The following FGD6 variants were observed in gnomAD, a reference collection of about 807,000 sequenced individuals.
FGD6 encodes the protein FYVE, RhoGEF and PH domain-containing protein 6.
A neutral mutation model predicts 149.4 loss-of-function variants in FGD6; 90 were observed. The ratio of observed to expected loss-of-function variants is 0.60; its 90% CI spans 0.51 to 0.72. The LOEUF is 0.72. FGD6 is among the 30% of genes least tolerant of loss of function. The pLI is 0.00. For synonymous variants in FGD6, 527 were observed against 584.0 expected, an observed-to-expected ratio of 0.90 and a Z score of 1.41; for missense variants, 1,437 against 1,684.8, an observed-to-expected ratio of 0.85 and a Z score of 2.57.
chr12:95,204,308 C>CTCCT (rs2056681485), intron 2 of FGD6, among the ~76,000 whole-genome samples: 1 of 152,180 alleles, frequency 6.6e-6, no homozygotes, highest in South Asian at 2.1e-4. Context: ...CTCAGTGCCA[C>CTCCT]TCCTTACACC....
intron 8 of FGD6, 26 bp downstream of exon 8, chr12:95,134,713 G>A (rs766748193): frequency 1.2e-6 from 2 of 1,608,184 alleles, no homozygotes; most frequent in East Asian, 4.5e-5. Flanking sequence ...CAACTGGGTG[G>A]TTGGCAAAAT....
In FGD6 at chr12:95,209,853, G is replaced by A. The variant is rs757014693; in HGVS notation, c.1431C>T (p.Ala477=). The A allele has an allele frequency of 6.2e-7, 1 of 1,609,388 alleles. No individual in the cohort carries two copies. The highest frequency in any genetic ancestry group is 8.5e-7 in the Non-Finnish European group (1 of 1,178,968). The change falls in exon 2 of 21, where the codon GCC becomes GCT. Residue 477 remains alanine (A), a synonymous_variant. Coordinates refer to ENST00000343958, the MANE Select transcript of FGD6 (RefSeq NM_018351.4). ...LQSGRNLGVS[A]PQMQKESVIK... ...TAACAGATTCCTTTTGCATTTGAGG[G>A]GCAGAAACTCCCAGGTTTCTCCCAG...
At chr12:95,129,803 G>C (rs1879464863) in intron 8 of FGD6, among the ~76,000 whole-genome samples, 1 of 152,120 alleles carries the variant, frequency 6.6e-6, no homozygotes, top group African/African-American at 2.4e-5. Flanking sequence ...CTCCTGAGTA[G>C]CTGGGATTAT....
At chr12:95,193,532 T>G (rs78837517) in intron 2 of FGD6, among the ~76,000 whole-genome samples, 5 of 147,208 alleles carry the variant, frequency 3.4e-5, no homozygotes, top group Non-Finnish European at 6.0e-5. Context: ...TAATTCTTGT[T>G]TTTTTTTTTT....
intron 8 of FGD6, among the ~76,000 whole-genome samples, chr12:95,118,674 T>G (rs761613517): frequency 6.6e-6 from 1 of 152,154 alleles, no homozygotes; most frequent in African/African-American, 2.4e-5. Flanking sequence ...AAGTCAAGTG[T>G]TTTGAATTTG....
chr12:95,179,273 G>A (rs991016284), intron 2 of FGD6, among the ~76,000 whole-genome samples: 1 of 151,890 alleles, frequency 6.6e-6, no homozygotes, highest in African/African-American at 2.4e-5. Flanking sequence ...GGGGGGTGGG[G>A]GTGATTGCTT....
intron 14 of FGD6, among the ~76,000 whole-genome samples, chr12:95,099,305 G>A (rs1017229097): frequency 2.6e-5 from 4 of 152,336 alleles, no homozygotes; most frequent in African/African-American, 9.6e-5. Context: ...GTGGAAGGCA[G>A]ATGGCTGTGG....
intron 3 of FGD6, among the ~76,000 whole-genome samples, chr12:95,156,537 G>A (rs969760119): frequency 1.3e-5 from 2 of 152,076 alleles, no homozygotes; most frequent in African/African-American, 4.8e-5. Flanking sequence ...ATGTGTGCCC[G>A]AAACTTCATT....
At chr12:95,128,116 T>C (rs1879400901) in intron 8 of FGD6, among the ~76,000 whole-genome samples, 2 of 152,234 alleles carry the variant, frequency 1.3e-5, no homozygotes, top group African/African-American at 2.4e-5. Flanking sequence ...TATTTTTGTA[T>C]GCACAAAAGA....
At chr12:95,120,166 T>C (rs1879145437) in intron 8 of FGD6, among the ~76,000 whole-genome samples, 1 of 151,102 alleles carries the variant, frequency 6.6e-6, no homozygotes, top group African/African-American at 2.4e-5. Flanking sequence ...GAGGCGGAGG[T>C]TGAAGTGAGC....
intron 2 of FGD6, among the ~76,000 whole-genome samples, chr12:95,178,033 T>G (rs930420185): frequency 2.0e-5 from 3 of 152,058 alleles, no homozygotes; most frequent in Non-Finnish European, 4.4e-5. Context: ...CCCAAAGTGC[T>G]GGGATGACAG....
At chr12:95,161,502 A>G (rs1880642618) in intron 3 of FGD6, among the ~76,000 whole-genome samples, 1 of 152,192 alleles carries the variant, frequency 6.6e-6, no homozygotes, top group Non-Finnish European at 1.5e-5. Flanking sequence ...TCTCAAAAAC[A>G]AAACAAAACA....
Position 95,137,658 on chromosome 12 carries a change from G to T in FGD6, c.2858C>A (p.Ala953Asp). 1 of 1,601,448 alleles carries T rather than the reference G, an allele frequency of 6.2e-7. No individual in the cohort carries two copies. The highest frequency in any genetic ancestry group is 8.5e-7 in the Non-Finnish European group (1 of 1,175,396). Residue 953 changes from alanine (A) to aspartate (D), a missense_variant, in exon 7 of 21, where the codon GCT (alanine) becomes GAT (aspartate). Coordinates refer to ENST00000343958, the MANE Select transcript of FGD6 (RefSeq NM_018351.4). ...TGGTCCCTTCTTTACAAAGATATCAGCAATTCTTTGTTGTTCAGTCCTATG... is the reference window on the plus strand; with the variant it reads ...TGGTCCCTTCTTTACAAAGATATCATCAATTCTTTGTTGTTCAGTCCTATG... ...MLHWTEQQRI[A>D]DIFVKKGPYL...
intron 9 of FGD6, 23 bp from the exon 10 acceptor site, chr12:95,108,584 G>A (rs1160089296): frequency 3.3e-5 from 54 of 1,613,128 alleles, no homozygotes; most frequent in East Asian, 6.7e-5. Flanking sequence ...GGAACAAAAC[G>A]TGCATTTAGT....
Position 95,141,428 on chromosome 12 carries a change from G to T in FGD6, c.2797C>A (p.Arg933=). 4.3e-6 allele frequency: 7 copies of T among 1,614,098 alleles called. No homozygotes were observed. Among genetic ancestry groups the T allele is most frequent in the Non-Finnish European group, 5.1e-6 (6 of 1,180,006 alleles). The change falls in exon 6 of 21, where the codon CGG becomes AGG. Residue 933 remains arginine, a synonymous_variant. Coordinates refer to ENST00000343958, the MANE Select transcript of FGD6 (RefSeq NM_018351.4). ...TCCTCCAGTTCCTTCAAGAGATCCC[G>T]GTTGAGCTCATACAGCTGAGGCAAG... ...YYLPQLYELN[R]DLLKELEERM...
At chr12:95,119,174 A>T (rs1412036693) in intron 8 of FGD6, among the ~76,000 whole-genome samples, 2 of 152,226 alleles carry the variant, frequency 1.3e-5, no homozygotes, top group Non-Finnish European at 2.9e-5. Flanking sequence ...TAGTTGAGGC[A>T]TGGGACTTTG....
chr12:95,212,160 T>C (rs952463008), intron 1 of FGD6, among the ~76,000 whole-genome samples: 1 of 152,210 alleles, frequency 6.6e-6, no homozygotes. Flanking sequence ...ATTTTCATTA[T>C]ATTCCTTCAC....
intron 6 of FGD6, among the ~76,000 whole-genome samples, chr12:95,137,923 T>A (rs1407020956): frequency 1.3e-5 from 2 of 152,030 alleles, no homozygotes; most frequent in Non-Finnish European, 1.5e-5. Flanking sequence ...GAGAGACTCT[T>A]AAAAAATGTT....
At chr12:95,140,955 T>C (rs1269766204) in intron 6 of FGD6, among the ~76,000 whole-genome samples, 2 of 152,172 alleles carry the variant, frequency 1.3e-5, no homozygotes, top group East Asian at 3.9e-4. Flanking sequence ...TCAGGCATGG[T>C]GGCTCACACC....
Sources: gnomAD v4.1 joint callset for allele counts (sites outside exome capture counted in the v4.1 genomes callset) on GRCh38, gnomAD v4.1.1 for gene constraint, MANE v1.5 for transcripts, NCBI Gene and HGNC (gene_info 2026-07-23, HGNC 2026-07-21) for gene names.